Variants in DROSHA observed in about 807,000 individuals in gnomAD.
DROSHA encodes the protein ribonuclease 3.
DROSHA carries 56 observed loss-of-function variants against 181.9 expected under a neutral mutation model. The ratio of observed to expected loss-of-function variants is 0.31; its 90% CI spans 0.25 to 0.38. The LOEUF is 0.38. Ranked by LOEUF, DROSHA falls within the 10% of genes least tolerant of loss-of-function variation. The pLI is 1.00. For missense variants in DROSHA, 1,218 were observed against 1,743.5 expected (o/e 0.70, Z 5.37); for synonymous variants, 524 against 591.2 (o/e 0.89, Z 1.65).
chr5:31,441,085 T>G (rs1438566583), intron 23 of DROSHA, among the ~76,000 whole-genome samples: 2 of 151,670 alleles, frequency 1.3e-5, no homozygotes, highest in Middle Eastern at 3.2e-3. Flanking sequence ...TACATTCATG[T>G]CTAGCTGACA....
intron 16 of DROSHA, 92 bp from the exon 17 acceptor site, chr5:31,472,324 ATGGAGG>A: frequency 7.2e-7 from 1 of 1,384,370 alleles, no homozygotes; most frequent in African/African-American, 1.5e-5. Context: ...AAACAAGACA[ATGGAGG>A]AAAAAGAGCA....
At chr5:31,412,330 C>T (rs938870820) in intron 30 of DROSHA, among the ~76,000 whole-genome samples, 9 of 152,192 alleles carry the variant, frequency 5.9e-5, no homozygotes, top group African/African-American at 2.2e-4. Flanking sequence ...TATTAAAAAA[C>T]TTCCTGCTAA....
rs68049196 is a variant in DROSHA at position 31,514,228 on chromosome 5, AACACACACACAC to A, written c.1290+748_1290+759del. Among the ~76,000 whole-genome samples, 7 of 148,324 alleles carry A rather than the reference AACACACACACAC, an allele frequency of 4.7e-5. No individual in the cohort carries two copies. The highest frequency in any genetic ancestry group is 2.0e-4 in the East Asian group (1 of 5,062). On this transcript the variant is annotated intron_variant, in intron 8 of 35. Coordinates refer to ENST00000344624, the MANE Select transcript of DROSHA (RefSeq NM_001382508.1). The surrounding 1 kb of genome is among the most constrained non-coding windows in gnomAD (Gnocchi z 4.4). ...CTTCCTTATTTTTCATTTTGGAGAA[AACACACACACAC>A]ACACACACACACACACACACATACA...
intron 31 of DROSHA, among the ~76,000 whole-genome samples, chr5:31,410,326 C>G (rs1741160818): frequency 6.6e-6 from 1 of 152,194 alleles, no homozygotes; most frequent in South Asian, 2.1e-4. Flanking sequence ...GTCCGCAGAG[C>G]TTTGCACTCA....
chr5:31,458,318 G>A (rs904531389), intron 20 of DROSHA, among the ~76,000 whole-genome samples: 4 of 152,114 alleles, frequency 2.6e-5, no homozygotes, highest in Non-Finnish European at 5.9e-5. Flanking sequence ...CACCATATTG[G>A]TGGTGGTGCT....
Position 31,526,802 on chromosome 5 carries a change from G to C in DROSHA, c.131C>G (p.Pro44Arg). Residue 44 changes from proline to arginine, a missense_variant, in exon 5 of 36, where the codon CCT (proline) becomes CGT (arginine). Pro to Arg is a moderately radical substitution (Grantham distance 103, BLOSUM62 -2). Around this residue, in one of 8 missense-constraint regions of DROSHA, gnomAD observed 536 missense variants for 535.4 expected, o/e 1.00. Transcript: ENST00000344624. ...FRPQNLRLLH[P>R]QQPPVQYQYE... ...TTGATATTGCACAGGAGGCTGCTGA[G>C]GGTGAAGCAGCCTCAGATTTTGGGG... is the stretch of plus-strand genomic sequence containing the variant. The C allele has an allele frequency of 1.2e-6, 2 of 1,611,784 alleles. No homozygotes were observed. Among genetic ancestry groups the C allele is most frequent in the Non-Finnish European group, 1.7e-6 (2 of 1,179,340 alleles).
chr5:31,507,332 T>C (rs1163253503), intron 10 of DROSHA, among the ~76,000 whole-genome samples: 1 of 151,942 alleles, frequency 6.6e-6, no homozygotes, highest in Non-Finnish European at 1.5e-5. Flanking sequence ...TGGAGGCGCA[T>C]GCCTATACTC....
intron 35 of DROSHA, 122 bp from the exon 36 acceptor site, chr5:31,401,684 A>C (rs1328989353): frequency 5.0e-6 from 3 of 594,558 alleles, no homozygotes; most frequent in Non-Finnish European, 6.8e-6. Flanking sequence ...GTATAATTGT[A>C]TTTTATAAGG....
intron 20 of DROSHA, 62 bp from the exon 21 acceptor site, chr5:31,451,702 T>C (rs1747063107): frequency 7.4e-7 from 1 of 1,344,712 alleles, no homozygotes; most frequent in Admixed American, 2.0e-5. Context: ...ACTTCATTTA[T>C]TTTACAACAA....
At chr5:31,489,129 A>G (rs1752109396) in intron 13 of DROSHA, 1 of 152,202 alleles carries the variant, frequency 6.6e-6, no homozygotes, top group Non-Finnish European at 1.5e-5. Context: ...TGTCACAGCT[A>G]TTAATATTGA....
At chr5:31,422,426 G>T (rs368652789) in intron 29 of DROSHA, among the ~76,000 whole-genome samples, 1 of 152,172 alleles carries the variant, frequency 6.6e-6, no homozygotes, top group Non-Finnish European at 1.5e-5. Context: ...TCACTCATTT[G>T]CATTTCATCG....
chr5:31,488,485 G>C (rs1291637143), intron 13 of DROSHA, among the ~76,000 whole-genome samples: 1 of 151,898 alleles, frequency 6.6e-6, no homozygotes, highest in Non-Finnish European at 1.5e-5. Flanking sequence ...GGCAGAGCAG[G>C]TGTTTAGCTT....
chr5:31,508,366 T>C (rs1738242586), intron 10 of DROSHA, among the ~76,000 whole-genome samples: 1 of 152,220 alleles, frequency 6.6e-6, no homozygotes, highest in African/African-American at 2.4e-5. Flanking sequence ...TCTACTGCAA[T>C]TTAATGAGGC....
intron 12 of DROSHA, among the ~76,000 whole-genome samples, chr5:31,494,361 T>G (rs892937101): frequency 1.3e-5 from 2 of 152,232 alleles, no homozygotes; most frequent in Non-Finnish European, 2.9e-5. Context: ...TTCATTCGTT[T>G]AAACATTATC....
At chr5:31,444,746 G>T (rs1746046169) in intron 23 of DROSHA, among the ~76,000 whole-genome samples, 1 of 152,180 alleles carries the variant, frequency 6.6e-6, no homozygotes, top group Non-Finnish European at 1.5e-5. Flanking sequence ...ATCCCCGAGG[G>T]TGTGATTAAG....
intron 6 of DROSHA, 71 bp downstream of exon 6, chr5:31,521,052 C>T: frequency 1.3e-6 from 2 of 1,501,500 alleles, no homozygotes; most frequent in Non-Finnish European, 1.8e-6. Context: ...GGCTGTTGCT[C>T]CATACAAGCA....
intron 22 of DROSHA, 137 bp from the exon 23 acceptor site, chr5:31,448,744 T>C (rs892904166): frequency 4.6e-6 from 3 of 655,428 alleles, no homozygotes; most frequent in Non-Finnish European, 7.7e-6. Flanking sequence ...AAAAGTGTGA[T>C]AAACAATTAT....
chr5:31,429,605 A>G (rs369038482), intron 26 of DROSHA, 60 bp from the exon 27 acceptor site: 7 of 1,476,192 alleles, frequency 4.7e-6, no homozygotes, highest in South Asian at 2.4e-5. Context: ...AGAAAATGAC[A>G]TATCTCTATA....
Position 31,511,059 on chromosome 5 carries a change from T to C in DROSHA, c.1408A>G (p.Lys470Glu), listed in dbSNP as rs767173654. Residue 470 changes from lysine (K) to glutamate (E), a missense_variant, in exon 9 of 36, where the codon AAG becomes GAG. Lys to Glu is a moderately conservative substitution (Grantham distance 56). Around this residue, in one of 8 missense-constraint regions of DROSHA, gnomAD observed 460 missense variants for 774.2 expected, o/e 0.59. Transcript: ENST00000344624. ...KAARPPWEPPKTKLDEDLESS... is the reference protein window; with the variant it reads ...KAARPPWEPPETKLDEDLESS... The stretch of plus-strand genomic sequence containing the variant: ...CCTAAATCTTCATCGAGCTTCGTCT[T>C]TGGAGGTTCCCACGGAGGCCGAGCA... 1.9e-6 allele frequency: 3 copies of C among 1,613,878 alleles called. No individual in the cohort carries two copies. Among genetic ancestry groups the C allele is most frequent in the South Asian group, 2.2e-5 (2 of 91,088 alleles).
Sources: allele counts gnomAD v4.1 joint callset (sites outside exome capture counted in the v4.1 genomes callset), GRCh38; gene constraint gnomAD v4.1.1; regional missense constraint gnomAD v4.1.1; non-coding constraint Gnocchi (gnomAD v3.1); transcripts MANE v1.5; gene names NCBI Gene and HGNC (gene_info 2026-07-23, HGNC 2026-07-21).